TTLL3: variants seen among roughly 807,000 people sequenced by gnomAD.
The protein encoded by TTLL3 is tubulin monoglycylase TTLL3.
Under a neutral mutation model 75.2 loss-of-function variants are expected in TTLL3, and 63 were observed. The ratio of observed to expected loss-of-function variants is 0.84; its 90% CI spans 0.68 to 1.03. The LOEUF is 1.03. TTLL3 is among the 50% of genes least tolerant of loss of function. The pLI is 0.00. For missense variants in TTLL3, 997 were observed against 1,069.9 expected, an observed-to-expected ratio of 0.93 and a Z score of 0.95; for synonymous variants, 393 against 418.5, an observed-to-expected ratio of 0.94 and a Z score of 0.74.
Position 9,815,983 on chromosome 3 carries a change from AC to A in TTLL3, c.316-88del, listed in dbSNP as rs896429309. The A allele has an allele frequency of 5.1e-5, 62 of 1,208,138 alleles. No homozygotes were observed. In the African/African-American group the frequency reaches 8.3e-4, roughly 16 times the overall value. The allele number at this position is 1,208,138 out of a possible 1,614,324, so 74.8% of individuals were successfully genotyped here. A position where few individuals can be genotyped will look rare whatever the true frequency, so the allele number is the denominator to read the frequency against. On this transcript the variant is annotated intron_variant, in intron 4 of 13. Coordinates refer to ENST00000685419, the MANE Select transcript of TTLL3 (RefSeq NM_001387446.1). ...TGGAAGCATCCTCTCCTTCCTGTTC[AC>A]CCACCCTGCTCAGCAGGGCAGGGAG...
chr3:9,813,014 G>A lies in TTLL3; in HGVS notation c.120G>A (p.Val40=), dbSNP rs1345872919. The change falls in exon 3 of 14, where the codon GTG becomes GTA. Residue 40 remains valine, a synonymous_variant. Transcript: ENST00000685419. ...IRCLLRRRGW[V]EKKMVHRSGP... ...GTCTCTTGCGCCGGAGGGGCTGGGT[G>A]GAGAAGAAGATGGTCCATCGCTCAG... 1 of 1,579,606 alleles carries A rather than the reference G, an allele frequency of 6.3e-7. No individual in the cohort carries two copies. The highest frequency in any genetic ancestry group is 8.6e-7 in the Non-Finnish European group (1 of 1,160,670).
At chr3:9,834,511 G>T in intron 12 of TTLL3, 170 bp from the exon 13 acceptor site, 3 of 1,091,922 alleles carry the variant, frequency 2.7e-6, no homozygotes, top group African/African-American at 1.5e-5. Context: ...CAGGTCTGTT[G>T]GACTCTACCC....
In TTLL3 at chr3:9,835,779, C is replaced by G. The variant is rs1478329777; in HGVS notation, c.*290C>G. ...GAATGACACCTACCGGGCATAGGAA[C>G]GTTAATGCCATGAGACAGGGGAAGG... On this transcript the variant is annotated 3_prime_UTR_variant, in exon 14 of 14. Coordinates refer to ENST00000685419, the MANE Select transcript of TTLL3 (RefSeq NM_001387446.1). 7 of 380,692 alleles carry G rather than the reference C, an allele frequency of 1.8e-5. No individual in the cohort carries two copies. In the Admixed American group the frequency reaches 2.6e-4, roughly 14 times the overall value. The allele number at this position is 380,692 out of a possible 1,614,324, so 23.6% of individuals were successfully genotyped here.
At chr3:9,814,163 A>G (rs2079600433) in intron 4 of TTLL3, among the ~76,000 whole-genome samples, 2 of 151,682 alleles carry the variant, frequency 1.3e-5, no homozygotes, top group South Asian at 4.2e-4. Context: ...TAAAAAAACA[A>G]ACAAATAACA....
At chr3:9,824,330 G>C (rs6781287) in intron 8 of TTLL3, among the ~76,000 whole-genome samples, 2 of 152,132 alleles carry the variant, frequency 1.3e-5, no homozygotes, top group Non-Finnish European at 2.9e-5. Flanking sequence ...AATCAGACAG[G>C]ACAGAGTTTG....
chr3:9,810,071 C>T (rs895403904), upstream of TTLL3: 3 of 1,356,482 alleles, frequency 2.2e-6, no homozygotes, highest in Non-Finnish European at 2.8e-6. The surrounding 1 kb of genome is among the most constrained non-coding windows in gnomAD (Gnocchi z 4.4). Flanking sequence ...CGCCGGGGCT[C>T]GGCCTCCTGG....
At chr3:9,822,173 C>G (rs1220057400) in intron 8 of TTLL3, among the ~76,000 whole-genome samples, 2 of 140,404 alleles carry the variant, frequency 1.4e-5, no homozygotes, top group Non-Finnish European at 1.5e-5. Context: ...TCATGCGATT[C>G]TCCTGCCTCA....
intron 7 of TTLL3, chr3:9,819,577 A>T: frequency 1.0e-6 from 1 of 985,838 alleles, no homozygotes; most frequent in Non-Finnish European, 1.2e-6. Flanking sequence ...GCCTGAACAT[A>T]AGGAACAGCT....
At chr3:9,826,030 G>C (rs1559743981) in intron 9 of TTLL3, 82 bp downstream of exon 9, 1 of 1,534,850 alleles carries the variant, frequency 6.5e-7, no homozygotes, top group South Asian at 1.3e-5. Context: ...AATAGTGCAG[G>C]TCTATTGAAG....
chr3:9,815,545 G>A (rs1489068439), intron 4 of TTLL3, among the ~76,000 whole-genome samples: 1 of 152,238 alleles, frequency 6.6e-6, no homozygotes, highest in Non-Finnish European at 1.5e-5. Flanking sequence ...GTCACAGGCT[G>A]TGTGCCCATC....
At chr3:9,817,879 T>C in intron 6 of TTLL3, 120 bp downstream of exon 6, 2 of 1,311,450 alleles carry the variant, frequency 1.5e-6, no homozygotes, top group Non-Finnish European at 2.1e-6. Context: ...CCCCAGCAGA[T>C]TTCCCTTTCC....
In TTLL3 at chr3:9,834,827, C is replaced by T. The variant is rs374232948; in HGVS notation, c.1972C>T (p.Leu658=). The T allele has an allele frequency of 2.5e-5, 40 of 1,614,134 alleles. No individual in the cohort carries two copies. The highest frequency in any genetic ancestry group is 2.3e-4 in the Admixed American group (14 of 60,014). ...LSTTGKALRT[L]PTAKVFISLP... is the part of the protein sequence containing the mutation. ...GACCACAGGCAAGGCCTTGAGGACT[C>T]TACCCACGGCTAAGGTCTTCATTTC... is the stretch of plus-strand genomic sequence containing the variant. Residue 658 remains leucine, a synonymous_variant, in exon 13 of 14, where the codon CTA becomes TTA. Transcript: ENST00000685419.
At position 9,820,607 on chromosome 3, in the gene TTLL3, T is replaced by TGAA; in HGVS notation, c.722_724dup (p.Glu241dup). On this transcript the variant is annotated inframe_insertion, in exon 8 of 14. Transcript: ENST00000685419. ...TGTTGGTGTCCCCAGAGTTTGTGGA[T>TGAA]GAAGCTCTGTGTGCGTGCGAGGAGT... 1.9e-6 allele frequency: 3 copies of TGAA among 1,614,070 alleles called. No homozygotes were observed. The highest frequency in any genetic ancestry group is 2.5e-6 in the Non-Finnish European group (3 of 1,180,004).
chr3:9,823,693 C>T (rs541090082), intron 8 of TTLL3, among the ~76,000 whole-genome samples: 4 of 152,170 alleles, frequency 2.6e-5, no homozygotes, highest in African/African-American at 9.6e-5. Context: ...ATCTGGCTGT[C>T]CCTGTTCCTG....
Position 9,828,995 on chromosome 3 carries a change from A to C in TTLL3, c.1283A>C (p.His428Pro). The change falls in exon 11 of 14, where the codon CAC becomes CCC. Residue 428 changes from histidine to proline, a missense_variant. His to Pro is a moderately conservative substitution (Grantham distance 77). Coordinates refer to ENST00000685419, the MANE Select transcript of TTLL3 (RefSeq NM_001387446.1). ...CTGTGCAACAACTCCATCCAGAAGC[A>C]CCTGGAGAACTCATGCCATCGGCAT... ...VHLCNNSIQK[H>P]LENSCHRHPL... The C allele has an allele frequency of 6.2e-7, 1 of 1,614,172 alleles. No individual in the cohort carries two copies. The highest frequency in any genetic ancestry group is 8.5e-7 in the Non-Finnish European group (1 of 1,180,024).
chr3:9,833,224 A>C lies in TTLL3; in HGVS notation c.1804A>C (p.Thr602Pro), dbSNP rs760162400. The change falls in exon 12 of 14, where the codon ACC becomes CCC. Residue 602 changes from threonine to proline, a missense_variant. Transcript: ENST00000685419. ...MGVRPAVPLL[T>P]QRGSGEARHH... ...GGTCCGCCCAGCAGTCCCTCTGCTG[A>C]CCCAGCGAGGCTCTGGGGAAGGCAA... The C allele has an allele frequency of 5.6e-6, 9 of 1,613,828 alleles. No individual in the cohort carries two copies. The South Asian group carries it at 7.7e-5, about 14-fold the overall frequency.
intron 7 of TTLL3, chr3:9,819,540 T>C (rs1422598007): frequency 1.0e-5 from 10 of 987,690 alleles, no homozygotes; most frequent in Admixed American, 1.2e-4. Flanking sequence ...GAAACTGGGC[T>C]TTACACATGG....
chr3:9,827,052 CGTG>C lies in TTLL3; in HGVS notation c.1063_1065del (p.Val355del). 6.2e-7 allele frequency: 1 copy of C among 1,614,178 alleles called. No homozygotes were observed. The highest frequency in any genetic ancestry group is 1.1e-5 in the South Asian group (1 of 91,088). On this transcript the variant is annotated inframe_deletion, in exon 10 of 14. Transcript: ENST00000685419. ...TGCTGAAGCTGGTGAACGGCAACCCCGTGGTGATGAAGGACGGCAAGTGGGTGG... is the reference window on the plus strand; with the variant it reads ...TGCTGAAGCTGGTGAACGGCAACCCCGTGATGAAGGACGGCAAGTGGGTGG...
At chr3:9,820,923 C>T in intron 8 of TTLL3, 182 bp downstream of exon 8, 2 of 1,001,256 alleles carry the variant, frequency 2.0e-6, no homozygotes, top group Non-Finnish European at 2.8e-6. Context: ...TTTCTTGGTT[C>T]TTGGCATAGC....
Sources: allele counts gnomAD v4.1 joint callset (sites outside exome capture counted in the v4.1 genomes callset), GRCh38; gene constraint gnomAD v4.1.1; non-coding constraint Gnocchi (gnomAD v3.1); transcripts MANE v1.5; gene names NCBI Gene and HGNC (gene_info 2026-07-23, HGNC 2026-07-21).